Variants in MED12L observed in about 807,000 individuals in gnomAD.
MED12L encodes mediator of RNA polymerase II transcription subunit 12-like protein.
MED12L carries 60 observed loss-of-function variants against 281.3 expected under a neutral mutation model. That is an observed-to-expected ratio of 0.21 (90% confidence interval 0.17 to 0.26). The LOEUF (loss-of-function observed/expected upper bound fraction) is 0.26, where lower values mean the gene tolerates loss of function less well. Ranked by LOEUF, MED12L falls within the 10% of genes least tolerant of loss-of-function variation. MED12L has a pLI of 1.00. For missense variants in MED12L, 2,146 were observed against 2,680.9 expected (o/e 0.80, Z 4.41); for synonymous variants, 974 against 987.2 (o/e 0.99, Z 0.25).
chr3:151,394,717 A>C lies in MED12L; in HGVS notation c.5670A>C (p.Ser1890=), dbSNP rs754664718. The change falls in exon 39 of 45, where the codon TCA becomes TCC. Residue 1890 remains serine (S), a synonymous_variant. Coordinates refer to ENST00000687756, the MANE Select transcript of MED12L (RefSeq NM_001393769.1). ...CAACCAACACCAAACAAGCTCTGTC[A>C]AACATGCTACAGCGGCGCTCAGGCG... ...FVPTNTKQAL[S]NMLQRRSGAM... 6.2e-7 allele frequency: 1 copy of C among 1,614,282 alleles called. No individual in the cohort carries two copies. Among genetic ancestry groups the C allele is most frequent in the South Asian group, 1.1e-5 (1 of 91,092 alleles).
intron 3 of MED12L, among the ~76,000 whole-genome samples, chr3:151,120,606 G>A (rs1005690449): frequency 6.6e-6 from 1 of 152,092 alleles, no homozygotes; most frequent in African/African-American, 2.4e-5. Flanking sequence ...TGCATAATGA[G>A]CTATACATAC....
chr3:151,372,800 A>G (rs773001612), intron 27 of MED12L, 34 bp downstream of exon 27: 1 of 1,556,828 alleles, frequency 6.4e-7, no homozygotes, highest in Non-Finnish European at 8.9e-7. Flanking sequence ...TACTTTGAGT[A>G]CGTAACTCTT....
At chr3:151,088,699 A>G (rs1235446037) in intron 2 of MED12L, among the ~76,000 whole-genome samples, 1 of 152,154 alleles carries the variant, frequency 6.6e-6, no homozygotes, top group Non-Finnish European at 1.5e-5. Flanking sequence ...TGGAGTTCTA[A>G]AACTGGAAGC....
intron 2 of MED12L, among the ~76,000 whole-genome samples, chr3:151,111,196 C>G (rs1008693032): frequency 6.6e-6 from 1 of 152,226 alleles, no homozygotes; most frequent in Non-Finnish European, 1.5e-5. Context: ...TCTCTTCTGA[C>G]TGGAGCTTCA....
intron 16 of MED12L, among the ~76,000 whole-genome samples, chr3:151,290,831 C>T (rs1220819043): frequency 6.6e-6 from 1 of 152,090 alleles, no homozygotes; most frequent in Non-Finnish European, 1.5e-5. Flanking sequence ...GTAAATAGGA[C>T]AAAAATTGAA....
Position 151,378,192 on chromosome 3 carries a change from C to G in MED12L, c.4478+19C>G. ...AGAAAAGGTGTGGCTGGAAGATGGG[C>G]GTCTGTGTGAGAGTTTAAAGAATAA... On this transcript the variant is annotated intron_variant, in intron 31 of 44. Transcript: ENST00000687756. 1 of 1,582,474 alleles carries G rather than the reference C, an allele frequency of 6.3e-7. No individual in the cohort carries two copies. Among genetic ancestry groups the G allele is most frequent in the East Asian group, 2.3e-5 (1 of 43,794 alleles).
chr3:151,221,087 T>A (rs186603309), intron 16 of MED12L, among the ~76,000 whole-genome samples: 3 of 152,180 alleles, frequency 2.0e-5, no homozygotes, highest in Admixed American at 2.0e-4. Context: ...GTGATTCTTG[T>A]TATGTTTTAG....
chr3:151,311,158 A>G (rs1337089246), intron 16 of MED12L, among the ~76,000 whole-genome samples: 1 of 152,236 alleles, frequency 6.6e-6, no homozygotes, highest in Non-Finnish European at 1.5e-5. Flanking sequence ...TAAACTGGAT[A>G]TAAACAGACC....
At chr3:151,421,859 ATTCT>A (rs1718286086) in intron 43 of MED12L, among the ~76,000 whole-genome samples, 1 of 152,074 alleles carries the variant, frequency 6.6e-6, no homozygotes. Flanking sequence ...AAAGCTCTTC[ATTCT>A]TTGTTTTTTT....
chr3:151,361,980 A>C (rs1193624175), intron 21 of MED12L, among the ~76,000 whole-genome samples: 1 of 152,144 alleles, frequency 6.6e-6, no homozygotes, highest in African/African-American at 2.4e-5. Context: ...AGAAGGTAAT[A>C]GCTAAGAAAA....
intron 2 of MED12L, among the ~76,000 whole-genome samples, chr3:151,098,673 G>A (rs749692117): frequency 6.6e-6 from 1 of 152,140 alleles, no homozygotes; most frequent in Non-Finnish European, 1.5e-5. Context: ...AATCTATGAT[G>A]ATCTCATCCT....
intron 16 of MED12L, among the ~76,000 whole-genome samples, chr3:151,323,605 A>G (rs1434962657): frequency 1.3e-5 from 2 of 152,138 alleles, no homozygotes; most frequent in Non-Finnish European, 2.9e-5. Flanking sequence ...TTCAAGTTCC[A>G]GTTCAAATTT....
chr3:151,091,008 T>C (rs1321610350), intron 2 of MED12L, among the ~76,000 whole-genome samples: 1 of 152,188 alleles, frequency 6.6e-6, no homozygotes. Context: ...GCCATTGCAC[T>C]CCAGCCTGGG....
chr3:151,420,287 C>G (rs1718090189), intron 43 of MED12L, among the ~76,000 whole-genome samples: 1 of 152,192 alleles, frequency 6.6e-6, no homozygotes, highest in African/African-American at 2.4e-5. Context: ...AACACTGTAA[C>G]TCCCTTCTTA....
chr3:151,270,744 G>T (rs1740791059), intron 16 of MED12L, among the ~76,000 whole-genome samples: 1 of 152,106 alleles, frequency 6.6e-6, no homozygotes, highest in South Asian at 2.1e-4. Context: ...ATTTAATTGT[G>T]ATGTTTAATG....
At chr3:151,109,754 G>A (rs1711583535) in intron 2 of MED12L, among the ~76,000 whole-genome samples, 1 of 152,144 alleles carries the variant, frequency 6.6e-6, no homozygotes, top group Non-Finnish European at 1.5e-5. Context: ...TGGATTCATG[G>A]TCTCTTCTGC....
rs112829133 is a variant in MED12L at position 151,435,468 on chromosome 3, G to GCTAACTAA, written c.*2670_*2671insAACTAACT. On this transcript the variant is annotated 3_prime_UTR_variant, in exon 45 of 45. Coordinates refer to ENST00000687756, the MANE Select transcript of MED12L (RefSeq NM_001393769.1). ...AGGTCACATTTTAGGCTGAGATGGG[G>GCTAACTAA]CTAACTGAAAGTCAGTGTGATGAAA... is the stretch of plus-strand genomic sequence containing the variant. The GCTAACTAA allele has an allele frequency of 2.0e-5, 3 of 152,240 alleles. No individual in the cohort carries two copies. The highest frequency in any genetic ancestry group is 7.2e-5 in the African/African-American group (3 of 41,518). 9.4% of individuals were successfully genotyped at this position (152,240 alleles called of 1,614,324 possible). A position where few individuals can be genotyped will look rare whatever the true frequency, so the allele number is the denominator to read the frequency against.
In MED12L at chr3:151,435,062, C is replaced by CTTTTTTTTTTTT. The variant is rs66791814; in HGVS notation, c.*2267_*2278dup. ...GTTAATTCTGTATCTTGAGAGGTTT[C>CTTTTTTTTTTTT]TTTTTTTTTTTTTTTTTTTTCTTTT... is the stretch of plus-strand genomic sequence containing the variant. On this transcript the variant is annotated 3_prime_UTR_variant, in exon 45 of 45. Coordinates refer to ENST00000687756, the MANE Select transcript of MED12L (RefSeq NM_001393769.1). 4 of 119,080 alleles carry CTTTTTTTTTTTT rather than the reference C, an allele frequency of 3.4e-5. No individual in the cohort carries two copies. The highest frequency in any genetic ancestry group is 5.4e-4 in the South Asian group (2 of 3,674). 7.4% of individuals were successfully genotyped at this position (119,080 alleles called of 1,614,324 possible).
intron 27 of MED12L, 44 bp downstream of exon 27, chr3:151,372,810 T>C: frequency 6.6e-7 from 1 of 1,504,836 alleles, no homozygotes; most frequent in Non-Finnish European, 9.2e-7. Flanking sequence ...ACGTAACTCT[T>C]CTTTTGGAGA....
Sources: allele counts gnomAD v4.1 joint callset (sites outside exome capture counted in the v4.1 genomes callset), GRCh38; gene constraint gnomAD v4.1.1; transcripts MANE v1.5; gene names NCBI Gene and HGNC (gene_info 2026-07-23, HGNC 2026-07-21).